Variants in ANO3 observed in about 807,000 individuals in gnomAD.
ANO3 encodes anoctamin 3.
A neutral mutation model predicts 144.8 loss-of-function variants in ANO3; 99 were observed. That is an observed-to-expected ratio of 0.68 (90% CI 0.58 to 0.81). The LOEUF (loss-of-function observed/expected upper bound fraction) is 0.81, where lower values mean the gene tolerates loss of function less well. Ranked by LOEUF, ANO3 falls within the 30% of genes least tolerant of loss-of-function variation. The pLI, the probability that ANO3 is intolerant of heterozygous loss-of-function variation, is 0.00. For synonymous variants in ANO3, 414 were observed against 392.6 expected (o/e 1.05, Z -0.64); for missense variants, 905 against 1,202.2 (o/e 0.75, Z 3.66).
intron 1 of ANO3, among the ~76,000 whole-genome samples, chr11:26,439,008 A>T (rs1035121566): frequency 6.9e-6 from 1 of 145,906 alleles, no homozygotes; most frequent in African/African-American, 2.5e-5. Flanking sequence ...GTGGGTTAGA[A>T]TTGAGAGTTC....
At chr11:26,648,092 A>G (rs937694429) in intron 24 of ANO3, among the ~76,000 whole-genome samples, 124 of 152,286 alleles carry the variant, frequency 8.1e-4, no homozygotes, top group African/African-American at 2.8e-3. Context: ...GTATCAAAAT[A>G]TTAAAAATAT....
intron 3 of ANO3, among the ~76,000 whole-genome samples, chr11:26,457,827 A>G (rs961020973): frequency 1.3e-5 from 2 of 151,356 alleles, no homozygotes; most frequent in Non-Finnish European, 2.9e-5. Flanking sequence ...GAGAACAGCA[A>G]GAGTTCTATT....
At chr11:26,491,044 T>C (rs1299206577) in intron 4 of ANO3, among the ~76,000 whole-genome samples, 1 of 152,234 alleles carries the variant, frequency 6.6e-6, no homozygotes, top group Non-Finnish European at 1.5e-5. Flanking sequence ...TCATCTGTTG[T>C]GAATACTGGC....
chr11:26,323,393 C>G (rs1300810256), intron 1 of ANO3, among the ~76,000 whole-genome samples: 1 of 152,066 alleles, frequency 6.6e-6, no homozygotes, highest in Non-Finnish European at 1.5e-5. Context: ...CTATTTCTGA[C>G]CACTGGAATC....
upstream of ANO3, among the ~76,000 whole-genome samples, chr11:26,306,385 C>T (rs1204879313): frequency 6.6e-6 from 1 of 152,076 alleles, no homozygotes; most frequent in African/African-American, 2.4e-5. Context: ...CCAAGGCTCC[C>T]GAATGCATGG....
intron 17 of ANO3, among the ~76,000 whole-genome samples, chr11:26,618,354 A>G (rs1014029013): frequency 2.0e-5 from 3 of 152,072 alleles, no homozygotes; most frequent in East Asian, 1.9e-4. Flanking sequence ...TTGCTTCTGT[A>G]ACATTTTTAT....
intron 1 of ANO3, among the ~76,000 whole-genome samples, chr11:26,311,150 T>C (rs1319254394): frequency 2.0e-5 from 3 of 152,268 alleles, no homozygotes. Flanking sequence ...TTAAGGACAA[T>C]GAGAATATTC....
chr11:26,553,349 A>T lies in ANO3; in HGVS notation c.1386+4A>T, dbSNP rs1849993922. 1 of 1,602,894 alleles carries T rather than the reference A, an allele frequency of 6.2e-7. No homozygotes were observed. The highest frequency in any genetic ancestry group is 8.5e-7 in the Non-Finnish European group (1 of 1,171,088). ...CGACAGCTGTATCTATGCCAAGGTG[A>T]GTGTGGACCCTCACATTCTCCTCCC... is the stretch of plus-strand genomic sequence containing the variant. On this transcript the variant is annotated splice_donor_region_variant and intron_variant, in intron 13 of 26. Transcript: ENST00000256737.
intron 1 of ANO3, among the ~76,000 whole-genome samples, chr11:26,250,817 A>G (rs555310033): frequency 6.6e-6 from 1 of 152,320 alleles, no homozygotes; most frequent in Admixed American, 6.5e-5. Context: ...ATCCCAGTAA[A>G]TCCATAGGAA....
intron 17 of ANO3, among the ~76,000 whole-genome samples, chr11:26,614,835 C>T (rs922802718): frequency 2.0e-5 from 3 of 152,144 alleles, no homozygotes; most frequent in Non-Finnish European, 4.4e-5. Context: ...CTGTACTCCA[C>T]ATAAATTTTA....
At chr11:26,486,279 T>G (rs1860443325) in intron 4 of ANO3, among the ~76,000 whole-genome samples, 2 of 148,334 alleles carry the variant, frequency 1.3e-5, no homozygotes, top group Non-Finnish European at 3.0e-5. Context: ...AAGACTCACT[T>G]GAACCTGGGA....
At chr11:26,192,802 C>T (rs1350653078) in intron 1 of ANO3, among the ~76,000 whole-genome samples, 1 of 152,010 alleles carries the variant, frequency 6.6e-6, no homozygotes, top group Non-Finnish European at 1.5e-5. Context: ...CTTTTTTCTC[C>T]CCAGTATTAC....
chr11:26,635,117 G>A (rs1445623588), intron 20 of ANO3, 47 bp downstream of exon 20: 23 of 1,528,458 alleles, frequency 1.5e-5, no homozygotes, highest in Non-Finnish European at 2.0e-5. Flanking sequence ...ATGGATATGG[G>A]CCAGTTACTG....
At chr11:26,583,850 T>C (rs191773609) in intron 14 of ANO3, among the ~76,000 whole-genome samples, 1 of 152,050 alleles carries the variant, frequency 6.6e-6, no homozygotes, top group Non-Finnish European at 1.5e-5. Context: ...GTTGTTGCTC[T>C]GATAAACTAT....
intron 1 of ANO3, among the ~76,000 whole-genome samples, chr11:26,210,057 G>T (rs1362492853): frequency 6.6e-6 from 1 of 152,016 alleles, no homozygotes; most frequent in Non-Finnish European, 1.5e-5. Context: ...TGAATTCTTT[G>T]CCCATGCCTA....
At chr11:26,632,376 C>T (rs61878639) in intron 18 of ANO3, among the ~76,000 whole-genome samples, 4,601 of 150,778 alleles carry the variant, frequency 0.031, 96 homozygotes, top group Non-Finnish European at 0.049. Context: ...CTTAGCCGGG[C>T]GTGGTGACAC....
At chr11:26,220,896 T>C in intron 1 of ANO3, among the ~76,000 whole-genome samples, 1 of 152,142 alleles carries the variant, frequency 6.6e-6, no homozygotes, top group East Asian at 1.9e-4. Flanking sequence ...AGTGTGCATT[T>C]CATATTTAGG....
chr11:26,231,394 C>T (rs2349811), intron 1 of ANO3, among the ~76,000 whole-genome samples: 53,459 of 151,950 alleles, frequency 0.35, 9,692 homozygotes, highest in Non-Finnish European at 0.38. Context: ...ACCACAGCCA[C>T]GCATTTTTTT....
At chr11:26,336,181 A>T (rs1373746991) in intron 1 of ANO3, among the ~76,000 whole-genome samples, 1 of 152,132 alleles carries the variant, frequency 6.6e-6, no homozygotes, top group Non-Finnish European at 1.5e-5. Flanking sequence ...GTTTTGCTTG[A>T]TTTATGATGA....
Sources: allele counts gnomAD v4.1 joint callset (sites outside exome capture counted in the v4.1 genomes callset), GRCh38; gene constraint gnomAD v4.1.1; transcripts MANE v1.5; gene names NCBI Gene and HGNC (gene_info 2026-07-23, HGNC 2026-07-21).